DPP6: variants seen among roughly 807,000 people sequenced by gnomAD.
DPP6 encodes dipeptidyl peptidase like 6.
In DPP6, 69 loss-of-function variants were observed where a neutral mutation model predicts 122.6. The observed-to-expected ratio is 0.56, with a 90% CI of 0.46 to 0.69. The LOEUF (loss-of-function observed/expected upper bound fraction) is 0.69, where lower values mean the gene tolerates loss of function less well. Among genes scored for constraint, DPP6 ranks in the 30% least tolerant of loss-of-function variants. The pLI is 0.00. For missense variants in DPP6, 928 were observed against 1,116.9 expected, an observed-to-expected ratio of 0.83 and a Z score of 2.41; for synonymous variants, 418 against 433.1, an observed-to-expected ratio of 0.97 and a Z score of 0.43.
chr7:154,868,046 G>T lies in DPP6; in HGVS notation c.1766G>T (p.Arg589Leu). The T allele has an allele frequency of 1.9e-6, 3 of 1,609,544 alleles. No individual in the cohort carries two copies. Among genetic ancestry groups the T allele is most frequent in the Non-Finnish European group, 2.5e-6 (3 of 1,178,112 alleles). ...CATGTCAAGAAGGCCATAAATGACC[G>T]ACAGATGCCTAAAGTGGAATACAGG... ...NEHVKKAIND[R>L]QMPKVEYRDI... Residue 589 changes from arginine to leucine, a missense_variant, in exon 18 of 26, where the codon CGA (arginine) becomes CTA (leucine). Arg to Leu is a moderately radical substitution (Grantham distance 102). Coordinates refer to ENST00000377770, the MANE Select transcript of DPP6 (RefSeq NM_130797.4).
the DPP6 span, among the ~76,000 whole-genome samples, chr7:153,853,256 C>T: frequency 3.3e-5 from 5 of 152,172 alleles, no homozygotes; most frequent in Admixed American, 6.5e-5. Context: ...TGCCTGTGCA[C>T]GTTTGATATC....
intron 3 of DPP6, among the ~76,000 whole-genome samples, chr7:154,492,253 A>G (rs1824339932): frequency 6.6e-6 from 1 of 152,190 alleles, no homozygotes; most frequent in South Asian, 2.1e-4. Context: ...GCACCCAGGA[A>G]GTATTAGTTA....
chr7:154,682,369 T>A (rs1293316426), intron 7 of DPP6, among the ~76,000 whole-genome samples: 1 of 152,228 alleles, frequency 6.6e-6, no homozygotes. Context: ...TTTCAGAGGA[T>A]GAAAGCGCCT....
At chr7:153,770,277 T>C in the DPP6 span, among the ~76,000 whole-genome samples, 2 of 152,134 alleles carry the variant, frequency 1.3e-5, no homozygotes, top group Non-Finnish European at 2.9e-5. Flanking sequence ...AGCAGTAATA[T>C]ATTCTAGGCT....
At chr7:154,435,692 G>A (rs1818804336) in intron 1 of DPP6, among the ~76,000 whole-genome samples, 3 of 152,130 alleles carry the variant, frequency 2.0e-5, no homozygotes, top group Non-Finnish European at 4.4e-5. Context: ...TCCTGAATAT[G>A]GAAATACAAT....
intron 16 of DPP6, among the ~76,000 whole-genome samples, chr7:154,839,449 T>TA: frequency 6.6e-6 from 1 of 152,242 alleles, no homozygotes; most frequent in Non-Finnish European, 1.5e-5. Flanking sequence ...GTGCTGGCGT[T>TA]ACCACTTACA....
chr7:153,909,649 C>A (rs572883204), intron 1 of DPP6, among the ~76,000 whole-genome samples: 3 of 152,152 alleles, frequency 2.0e-5, no homozygotes, highest in South Asian at 4.1e-4. Flanking sequence ...CCACTATATT[C>A]AGTGGTCAGT....
At chr7:154,312,011 G>A (rs780601950) in intron 1 of DPP6, among the ~76,000 whole-genome samples, 1 of 152,212 alleles carries the variant, frequency 6.6e-6, no homozygotes, top group Non-Finnish European at 1.5e-5. Flanking sequence ...GCACAAAGTT[G>A]TGGCAAGACC....
intron 1 of DPP6, among the ~76,000 whole-genome samples, chr7:154,016,273 T>G (rs1457208366): frequency 6.6e-6 from 1 of 152,228 alleles, no homozygotes; most frequent in Non-Finnish European, 1.5e-5. Flanking sequence ...GGATTTTCAT[T>G]TCAGTTTCCC....
intron 4 of DPP6, among the ~76,000 whole-genome samples, chr7:154,551,180 C>T (rs1376347296): frequency 3.3e-5 from 5 of 152,102 alleles, no homozygotes; most frequent in Non-Finnish European, 1.5e-5. Context: ...TTACATTTTA[C>T]CTGAAAACTG....
intron 3 of DPP6, among the ~76,000 whole-genome samples, chr7:154,484,667 A>G (rs1823632154): frequency 6.6e-6 from 1 of 152,200 alleles, no homozygotes; most frequent in Non-Finnish European, 1.5e-5. Context: ...GTGATAGACC[A>G]TGTGGCTGGC....
the DPP6 span, among the ~76,000 whole-genome samples, chr7:153,832,237 C>A: frequency 2.0e-5 from 3 of 152,202 alleles, no homozygotes; most frequent in Non-Finnish European, 4.4e-5. Flanking sequence ...ATATTACCAA[C>A]CACATACATG....
At chr7:154,396,892 C>T (rs1166778530) in intron 1 of DPP6, among the ~76,000 whole-genome samples, 2 of 152,180 alleles carry the variant, frequency 1.3e-5, no homozygotes, top group African/African-American at 2.4e-5. Flanking sequence ...TTGCAGTGAG[C>T]TGGGATCGCG....
chr7:154,364,245 G>T lies in DPP6; in HGVS notation c.244-81969G>T, dbSNP rs1811970528. Among the ~76,000 whole-genome samples the T allele has an allele frequency of 2.6e-5, 4 of 152,166 alleles. No individual in the cohort carries two copies. In the South Asian group the frequency reaches 8.3e-4, roughly 32 times the overall value. On this transcript the variant is annotated intron_variant, in intron 1 of 25. Coordinates refer to ENST00000377770, the MANE Select transcript of DPP6 (RefSeq NM_130797.4). ...AAAAAAGTGGCATAGTACATCATTT[G>T]AAATTCACCATACTCACATGGATGA...
intron 7 of DPP6, among the ~76,000 whole-genome samples, chr7:154,693,623 G>A (rs181286262): frequency 5.9e-5 from 9 of 152,248 alleles, no homozygotes; most frequent in Non-Finnish European, 5.9e-5. Flanking sequence ...TTCTGAACCC[G>A]CGGAGCCCTG....
At chr7:154,140,814 G>C (rs1003341191) in intron 1 of DPP6, among the ~76,000 whole-genome samples, 19 of 152,240 alleles carry the variant, frequency 1.2e-4, no homozygotes, top group African/African-American at 4.1e-4. Flanking sequence ...AAACCTTTTT[G>C]GAAGTAGGGA....
At chr7:154,664,327 A>G (rs141398298) in intron 6 of DPP6, among the ~76,000 whole-genome samples, 60 of 152,358 alleles carry the variant, frequency 3.9e-4, no homozygotes, top group African/African-American at 1.4e-3. Flanking sequence ...GTTAGCATTT[A>G]TGGGAATTTA....
chr7:154,027,947 G>T (rs1375625443), intron 1 of DPP6, among the ~76,000 whole-genome samples: 1 of 150,840 alleles, frequency 6.6e-6, no homozygotes, highest in Non-Finnish European at 1.5e-5. Flanking sequence ...GTGGCTGCCT[G>T]CCTGCCAGCC....
At chr7:153,935,368 A>G (rs1183733765) in intron 1 of DPP6, among the ~76,000 whole-genome samples, 2 of 152,066 alleles carry the variant, frequency 1.3e-5, no homozygotes, top group Admixed American at 1.3e-4. Flanking sequence ...TCAGCTGGAA[A>G]GTAGACAACT....
Sources: gnomAD v4.1 joint callset for allele counts (sites outside exome capture counted in the v4.1 genomes callset) on GRCh38, gnomAD v4.1.1 for gene constraint, MANE v1.5 for transcripts, NCBI Gene and HGNC (gene_info 2026-07-23, HGNC 2026-07-21) for gene names.